The following CALCRL variants were observed in gnomAD, a reference collection of about 807,000 sequenced individuals.
CALCRL encodes calcitonin receptor like receptor.
In CALCRL, 27 loss-of-function variants were observed where a neutral mutation model predicts 60.4. That is an observed-to-expected ratio of 0.45 (90% CI 0.33 to 0.62). The LOEUF (loss-of-function observed/expected upper bound fraction) is 0.62. Among genes scored for constraint, CALCRL ranks in the 20% least tolerant of loss-of-function variants. CALCRL has a pLI of 0.03. For missense variants in CALCRL, 424 were observed against 540.7 expected (o/e 0.78, Z 2.14); for synonymous variants, 190 against 182.6 (o/e 1.04, Z -0.33).
chr2:187,410,188 G>A (rs1689299394), intron 1 of CALCRL, among the ~76,000 whole-genome samples: 1 of 152,136 alleles, frequency 6.6e-6, no homozygotes, highest in African/African-American at 2.4e-5. Flanking sequence ...GGTGGATGTG[G>A]GAGAATCTGT....
At chr2:187,370,674 A>G (rs1374522928) in intron 8 of CALCRL, among the ~76,000 whole-genome samples, 1 of 152,194 alleles carries the variant, frequency 6.6e-6, no homozygotes, top group Non-Finnish European at 1.5e-5. Flanking sequence ...ACTCTTCTCC[A>G]TAAGCCAGTA....
intron 8 of CALCRL, among the ~76,000 whole-genome samples, chr2:187,373,531 C>T (rs1343859654): frequency 6.6e-6 from 1 of 152,016 alleles, no homozygotes; most frequent in African/African-American, 2.4e-5. Context: ...AAAACCAGAA[C>T]TTGTATTATT....
rs771394954 is a variant in CALCRL, at chr2:187,372,687, A to T, written c.500+6253T>A. Among the ~76,000 whole-genome samples the T allele has an allele frequency of 9.5e-4, 144 of 152,282 alleles. 1 individual carries two copies. The highest frequency in any genetic ancestry group is 1.4e-3 in the Non-Finnish European group (94 of 68,030). ...CTCAATTACCAAAGAAGAGGAAAAA[A>T]GTTTCCCATACCGAGTAAGCAAGAA... On this transcript the variant is annotated intron_variant, in intron 8 of 14. Coordinates refer to ENST00000392370, the MANE Select transcript of CALCRL (RefSeq NM_005795.6).
rs756692859 is a variant in CALCRL at position 187,380,806 on chromosome 2, A to T, written c.185-19T>A. The T allele has an allele frequency of 3.2e-6, 5 of 1,566,758 alleles. No homozygotes were observed. The East Asian group carries it at 1.1e-4, about 35-fold the overall frequency. On this transcript the variant is annotated intron_variant, in intron 5 of 14. Coordinates refer to ENST00000392370, the MANE Select transcript of CALCRL (RefSeq NM_005795.6). ...TAAACGCCTTAGTGGGGAAATAATAATTGGGGATAATTAAATCCTTCTACT... is the reference window on the plus strand; with the variant it reads ...TAAACGCCTTAGTGGGGAAATAATATTTGGGGATAATTAAATCCTTCTACT...
At chr2:187,389,136 G>A (rs184656565) in intron 1 of CALCRL, among the ~76,000 whole-genome samples, 2 of 149,222 alleles carry the variant, frequency 1.3e-5, no homozygotes, top group Non-Finnish European at 3.0e-5. Flanking sequence ...GCAGTGGTAC[G>A]ATCTTGGCTC....
intron 8 of CALCRL, among the ~76,000 whole-genome samples, chr2:187,377,749 C>G (rs1687818442): frequency 6.6e-6 from 1 of 152,044 alleles, no homozygotes; most frequent in Non-Finnish European, 1.5e-5. Context: ...AACTTTTGTA[C>G]ACCTACTAAA....
rs115779782 is a variant in CALCRL, at chr2:187,442,492, T to C, written c.-293+5547A>G. Among the ~76,000 whole-genome samples the C allele has an allele frequency of 4.9e-3, 748 of 151,934 alleles. 4 individuals are homozygous for C. Among genetic ancestry groups the C allele is most frequent in the African/African-American group, 0.017 (698 of 41,534 alleles). ...TATGTTAAGCCAAAACCTAAATTTT[T>C]TTTGCCATCCTATTGCACAGGCACT... On this transcript the variant is annotated intron_variant, in intron 1 of 14. Coordinates refer to ENST00000392370, the MANE Select transcript of CALCRL (RefSeq NM_005795.6).
chr2:187,444,160 G>A (rs1010992554), intron 1 of CALCRL, among the ~76,000 whole-genome samples: 8 of 151,652 alleles, frequency 5.3e-5, no homozygotes, highest in Non-Finnish European at 1.2e-4. Context: ...AAACATAAAT[G>A]AGCTTAGGTT....
rs1251334718 is a variant in CALCRL at position 187,385,628 on chromosome 2, T to C, written c.-33A>G. ...CCAAAATGAAATATGCTGTATAACA[T>C]AAACTGCAACAGAAAATAAAAGAAA... On this transcript the variant is annotated 5_prime_UTR_variant, in exon 4 of 15. An upstream start codon of the reference 5' UTR is lost. Transcript: ENST00000392370. 3 of 1,461,374 alleles carry C rather than the reference T, an allele frequency of 2.1e-6. No homozygotes were observed. Among genetic ancestry groups the C allele is most frequent in the Non-Finnish European group, 9.4e-7 (1 of 1,066,244 alleles). The allele number at this position is 1,461,374 out of a possible 1,614,324, so 90.5% of individuals were successfully genotyped here.
At chr2:187,357,180 T>C (rs993011245) in intron 12 of CALCRL, among the ~76,000 whole-genome samples, 1 of 152,080 alleles carries the variant, frequency 6.6e-6, no homozygotes, top group African/African-American at 2.4e-5. Context: ...TATAAATCAT[T>C]CTACTATAAA....
At chr2:187,392,410 T>C (rs560334810) in intron 1 of CALCRL, among the ~76,000 whole-genome samples, 1 of 152,158 alleles carries the variant, frequency 6.6e-6, no homozygotes, top group East Asian at 1.9e-4. Context: ...GTGAGCAAAG[T>C]TGAGCTATGT....
At chr2:187,396,545 T>C (rs1688661094) in intron 1 of CALCRL, among the ~76,000 whole-genome samples, 2 of 151,736 alleles carry the variant, frequency 1.3e-5, no homozygotes, top group Admixed American at 6.6e-5. Context: ...ATATGCAGAG[T>C]AACAGAAATT....
At chr2:187,349,300 A>G (rs992871341) in intron 14 of CALCRL, among the ~76,000 whole-genome samples, 1 of 151,674 alleles carries the variant, frequency 6.6e-6, no homozygotes, top group Non-Finnish European at 1.5e-5. Context: ...CTAGTGAGAA[A>G]TGCTAATAGC....
chr2:187,442,070 T>C (rs1296647386), intron 1 of CALCRL: 3 of 127,400 alleles, frequency 2.4e-5, no homozygotes, highest in Non-Finnish European at 4.9e-5. Context: ...CTTAAAAACA[T>C]TATATATATA....
intron 1 of CALCRL, among the ~76,000 whole-genome samples, chr2:187,401,323 A>G (rs1005152289): frequency 4.6e-5 from 7 of 151,700 alleles, no homozygotes; most frequent in Admixed American, 1.3e-4. Context: ...CACATCGACC[A>G]AAGAACCTGC....
intron 8 of CALCRL, among the ~76,000 whole-genome samples, chr2:187,375,242 G>T (rs577090838): frequency 2.9e-5 from 4 of 139,434 alleles, no homozygotes; most frequent in Admixed American, 7.6e-5. Flanking sequence ...ACTGCAGTCC[G>T]CAGTCCGGCC....
chr2:187,378,842 A>T (rs1032761388), intron 8 of CALCRL, 98 bp downstream of exon 8: 11 of 666,048 alleles, frequency 1.7e-5, no homozygotes, highest in African/African-American at 1.3e-4. Flanking sequence ...AATCATCTAT[A>T]TTGGTATATT....
chr2:187,396,194 T>G (rs6710852), intron 1 of CALCRL, among the ~76,000 whole-genome samples: 19,785 of 151,108 alleles, frequency 0.13, 1,475 homozygotes, highest in South Asian at 0.19. Context: ...AATAAATAAA[T>G]AAAGAAAAAA....
At chr2:187,415,681 G>C (rs1400655769) in intron 1 of CALCRL, 14 of 607,876 alleles carry the variant, frequency 2.3e-5, no homozygotes, top group Middle Eastern at 4.6e-4. Context: ...TGAGCACCAG[G>C]TTGTCTCCTC....
Sources: allele counts gnomAD v4.1 joint callset (sites outside exome capture counted in the v4.1 genomes callset), GRCh38; gene constraint gnomAD v4.1.1; transcripts MANE v1.5; gene names NCBI Gene and HGNC (gene_info 2026-07-23, HGNC 2026-07-21).